NCOR1: variants seen among roughly 807,000 people sequenced by gnomAD.
The protein encoded by NCOR1 is protein phosphatase 1, regulatory subunit 109.
NCOR1 carries 63 observed loss-of-function variants against 288.1 expected under a neutral mutation model. The ratio of observed to expected loss-of-function variants is 0.22; its 90% CI spans 0.18 to 0.27. The LOEUF (loss-of-function observed/expected upper bound fraction) is 0.27, where lower values mean the gene tolerates loss of function less well. Ranked by LOEUF, NCOR1 falls within the 10% of genes least tolerant of loss-of-function variation. The pLI, the probability that NCOR1 is intolerant of heterozygous loss-of-function variation, is 1.00. For synonymous variants in NCOR1, 1,007 were observed against 1,065.9 expected, an observed-to-expected ratio of 0.94 and a Z score of 1.08; for missense variants, 2,397 against 3,019.2, an observed-to-expected ratio of 0.79 and a Z score of 4.83.
chr17:16,126,335 G>T, intron 14 of NCOR1, 129 bp from the exon 15 acceptor site: 3 of 964,252 alleles, frequency 3.1e-6, no homozygotes, highest in Non-Finnish European at 4.4e-6. Flanking sequence ...ACTGGTGATC[G>T]TGTGTTAAAA....
At chr17:16,181,211 A>ATGTATGTGTGTGTGTGTGTGTGTG (rs758395387) in intron 3 of NCOR1, among the ~76,000 whole-genome samples, 1 of 139,498 alleles carries the variant, frequency 7.2e-6, no homozygotes, top group East Asian at 2.2e-4. Flanking sequence ...ATATATATGT[A>ATGTATGTGTGTGTGTGTGTGTGTG]TGTGTGTGTG....
chr17:16,092,053 G>C lies in NCOR1; in HGVS notation c.2826C>G (p.Ser942=). ...CAATTGGTATGTTACATGGGGTGCA[G>C]GATACCTATAGGAAGAAAATAAATC... The part of the protein sequence containing the change: ...HRAAVIPPMV[S]CTPCNIPIGT... The change falls in exon 22 of 46, where the codon TCC becomes TCG. Residue 942 remains serine, a synonymous_variant. Transcript: ENST00000268712. 1.2e-6 allele frequency: 2 copies of C among 1,613,698 alleles called. No homozygotes were observed. The highest frequency in any genetic ancestry group is 1.3e-5 in the African/African-American group (1 of 75,018).
intron 42 of NCOR1, among the ~76,000 whole-genome samples, chr17:16,042,160 C>CAG (rs2057831838): frequency 6.6e-6 from 1 of 151,458 alleles, no homozygotes; most frequent in Admixed American, 6.6e-5. Context: ...TTTAAACTGA[C>CAG]AGAGGAGAAA....
At chr17:16,094,111 C>A (rs1014682938) in intron 21 of NCOR1, among the ~76,000 whole-genome samples, 1 of 151,888 alleles carries the variant, frequency 6.6e-6, no homozygotes. Flanking sequence ...CTATGTTGCC[C>A]AAGCTGGTCT....
In NCOR1 at chr17:16,101,637, G is replaced by A. The variant is rs148612896; in HGVS notation, c.2303C>T (p.Ala768Val). 12 of 1,614,070 alleles carry A rather than the reference G, an allele frequency of 7.4e-6. No homozygotes were observed. The highest frequency in any genetic ancestry group is 1.1e-5 in the South Asian group (1 of 91,090). Residue 768 changes from alanine (A) to valine (V), a missense_variant, in exon 20 of 46, where the codon GCA (alanine) becomes GTA (valine). Physicochemically the swap from Ala to Val is moderately conservative, Grantham distance 64. Coordinates refer to ENST00000268712, the MANE Select transcript of NCOR1 (RefSeq NM_006311.4). ...ETAPSTSPSL[A>V]VPSTKPAEDE... ...TTCAGCTGGTTTTGTACTTGGAACT[G>A]CTAAGGAGGGAGATGTACTGGGTGC...
chr17:16,147,959 A>G (rs2078250736), intron 9 of NCOR1, among the ~76,000 whole-genome samples: 1 of 152,204 alleles, frequency 6.6e-6, no homozygotes, highest in South Asian at 2.1e-4. Flanking sequence ...CTGAGTTTAC[A>G]AGCATGCGCC....
chr17:16,052,684 T>C (rs1215859251), intron 40 of NCOR1, among the ~76,000 whole-genome samples: 2 of 152,156 alleles, frequency 1.3e-5, no homozygotes, highest in East Asian at 1.9e-4. Flanking sequence ...CAAAAAGAGC[T>C]GGCACCATTC....
At chr17:16,164,830 A>C in intron 5 of NCOR1, 149 bp downstream of exon 5, 1 of 532,178 alleles carries the variant, frequency 1.9e-6, no homozygotes. Context: ...GAATGTAAGA[A>C]AACCACAACA....
intron 41 of NCOR1, among the ~76,000 whole-genome samples, chr17:16,048,414 C>G (rs1403566734): frequency 6.6e-6 from 1 of 152,096 alleles, no homozygotes; most frequent in Admixed American, 6.5e-5. Context: ...AAGGAGCCAA[C>G]TCAAAGGCAT....
chr17:16,209,271 A>C (rs1241683712), intron 1 of NCOR1, among the ~76,000 whole-genome samples: 1 of 152,150 alleles, frequency 6.6e-6, no homozygotes, highest in Non-Finnish European at 1.5e-5. Flanking sequence ...AAGGGAGGAA[A>C]GGAGTATTCC....
intron 3 of NCOR1, among the ~76,000 whole-genome samples, chr17:16,186,234 G>A (rs1159588997): frequency 6.6e-6 from 1 of 152,190 alleles, no homozygotes; most frequent in Non-Finnish European, 1.5e-5. Context: ...TCCAGAGATT[G>A]ATTTAAGTGT....
chr17:16,105,758 C>G (rs2068500220), intron 19 of NCOR1, among the ~76,000 whole-genome samples: 1 of 152,090 alleles, frequency 6.6e-6, no homozygotes, highest in African/African-American at 2.4e-5. Flanking sequence ...CAAAGACAGA[C>G]AAGCAAATAA....
intron 42 of NCOR1, among the ~76,000 whole-genome samples, chr17:16,044,118 G>A (rs1049407544): frequency 1.4e-4 from 20 of 140,044 alleles, no homozygotes; most frequent in Non-Finnish European, 2.0e-4. Flanking sequence ...GCGGTGAGCC[G>A]AGATCGTGCC....
In NCOR1 at chr17:16,032,412, A is replaced by G. The variant is rs138200388; in HGVS notation, c.7207T>C (p.Cys2403Arg). Reference sequence around the variant, plus strand: ...GCTTGGTTCACCGCAGAGGGAGCACATGCAATCGGTGTTGGTGGAGTACTG... The same window carrying G: ...GCTTGGTTCACCGCAGAGGGAGCACGTGCAATCGGTGTTGGTGGAGTACTG... ...LSSTPPTPIACAPSAVNQAAP... is the reference protein window; with the variant it reads ...LSSTPPTPIARAPSAVNQAAP... Residue 2403 changes from cysteine to arginine, a missense_variant, in exon 46 of 46, where the codon TGT becomes CGT. Physicochemically the swap from Cys to Arg is radical, Grantham distance 180. Transcript: ENST00000268712. 4 of 1,614,020 alleles carry G rather than the reference A, an allele frequency of 2.5e-6. No homozygotes were observed. The highest frequency in any genetic ancestry group is 2.7e-5 in the African/African-American group (2 of 74,938).
intron 40 of NCOR1, among the ~76,000 whole-genome samples, chr17:16,054,867 G>A (rs2059734740): frequency 6.6e-6 from 1 of 152,184 alleles, no homozygotes; most frequent in African/African-American, 2.4e-5. Flanking sequence ...GGGAGGTGGA[G>A]GTTACAGTGA....
chr17:16,108,179 CAAAAAAAA>C (rs35417050), intron 19 of NCOR1: 9 of 147,000 alleles, frequency 6.1e-5, no homozygotes, highest in Middle Eastern at 2.4e-3. Context: ...AAGCAATTTC[CAAAAAAAA>C]AAAAAAAAAA....
intron 6 of NCOR1, among the ~76,000 whole-genome samples, chr17:16,157,986 T>C (rs1352749856): frequency 6.6e-6 from 1 of 152,170 alleles, no homozygotes; most frequent in Non-Finnish European, 1.5e-5. Context: ...ATTTTTTTTT[T>C]TTTTGAGACT....
chr17:16,072,317 T>G, intron 28 of NCOR1, 89 bp from the exon 29 acceptor site: 1 of 961,988 alleles, frequency 1.0e-6, no homozygotes, highest in Non-Finnish European at 1.6e-6. Flanking sequence ...GTCTATGTTT[T>G]TGATAAATGC....
intron 23 of NCOR1, among the ~76,000 whole-genome samples, chr17:16,083,838 T>C (rs1034325460): frequency 2.0e-5 from 3 of 152,118 alleles, no homozygotes; most frequent in African/African-American, 7.2e-5. Flanking sequence ...TAAGTTGGTT[T>C]TACTTAAATG....
Sources: allele counts gnomAD v4.1 joint callset (sites outside exome capture counted in the v4.1 genomes callset), GRCh38; gene constraint gnomAD v4.1.1; transcripts MANE v1.5; gene names NCBI Gene and HGNC (gene_info 2026-07-23, HGNC 2026-07-21).